The following CLCN1 variants were observed in gnomAD, a reference collection of about 807,000 sequenced individuals.
CLCN1 encodes the protein chloride voltage-gated channel 1.
A neutral mutation model predicts 114.5 loss-of-function variants in CLCN1; 100 were observed. The observed-to-expected ratio is 0.87, with a 90% CI of 0.74 to 1.03. CLCN1 has a LOEUF of 1.03. Ranked by LOEUF, CLCN1 falls within the 50% of genes least tolerant of loss-of-function variation. The probability of loss-of-function intolerance (pLI) is 0.00; values close to 1 mark genes in which losing one functional copy is unlikely to be tolerated. For missense variants in CLCN1, 1,188 were observed against 1,250.0 expected (o/e 0.95, Z 0.75); for synonymous variants, 485 against 487.1 (o/e 1.00, Z 0.06).
At position 143,324,679 on chromosome 7, in the gene CLCN1, G is replaced by T. The variant is rs1421414830; in HGVS notation, c.853+187G>T. On this transcript the variant is annotated intron_variant, in intron 7 of 22. Coordinates refer to ENST00000343257, the MANE Select transcript of CLCN1 (RefSeq NM_000083.3). This position sits in a 1 kb window ranked among gnomAD's most constrained non-coding sequence, Gnocchi z 4.6. ...CTTTTATTCCTGGCCAAAGCCATAT[G>T]AGACAGATATTACAGAGGAGGAAGA... 6.6e-6 allele frequency among the ~76,000 whole-genome samples: 1 copy of T among 152,218 alleles called. No individual in the cohort carries two copies. Among genetic ancestry groups the T allele is most frequent in the Non-Finnish European group, 1.5e-5 (1 of 68,038 alleles).
chr7:143,318,253 G>T (rs138903603), intron 1 of CLCN1, among the ~76,000 whole-genome samples: 1 of 151,454 alleles, frequency 6.6e-6, no homozygotes, highest in East Asian at 1.9e-4. Context: ...ATGGAGTTTC[G>T]CTCTTGTTGC....
chr7:143,331,532 C>T lies in CLCN1; in HGVS notation c.1065-19C>T. On this transcript the variant is annotated intron_variant, in intron 9 of 22. Transcript: ENST00000343257. ...ATTTCATGTCTGTAAGATTCCAACT[C>T]TATAAATTACACCCTCAGGATTTGC... 6.4e-7 allele frequency: 1 copy of T among 1,556,684 alleles called. No individual in the cohort carries two copies. Among genetic ancestry groups the T allele is most frequent in the Non-Finnish European group, 8.9e-7 (1 of 1,127,910 alleles).
At position 143,352,002 on chromosome 7, in the gene CLCN1, G is replaced by T; in HGVS notation, c.*37G>T. ...GACCTCCTCATAAAGACCGTGGAGA[G>T]GCCCAGCCTGAGGGTGAACTTGTGT... On this transcript the variant is annotated 3_prime_UTR_variant, in exon 23 of 23. Transcript: ENST00000343257. 6.2e-7 allele frequency: 1 copy of T among 1,612,178 alleles called. No homozygotes were observed. Among genetic ancestry groups the T allele is most frequent in the Non-Finnish European group, 8.5e-7 (1 of 1,179,986 alleles).
intron 7 of CLCN1, among the ~76,000 whole-genome samples, chr7:143,328,090 G>C (rs1271278741): frequency 1.3e-5 from 2 of 152,196 alleles, no homozygotes; most frequent in Admixed American, 6.5e-5. Context: ...CAGATCTGGT[G>C]GGGGGAGCTA....
At chr7:143,329,110 G>C (rs1445605454) in intron 7 of CLCN1, among the ~76,000 whole-genome samples, 1 of 151,930 alleles carries the variant, frequency 6.6e-6, no homozygotes, top group African/African-American at 2.4e-5. Flanking sequence ...TGGGATTACA[G>C]GCGCCTGCCA....
intron 2 of CLCN1, among the ~76,000 whole-genome samples, 162 bp from the exon 3 acceptor site, chr7:143,320,502 T>TC (rs1802395281): frequency 6.6e-6 from 1 of 151,914 alleles, no homozygotes; most frequent in Admixed American, 6.6e-5. Flanking sequence ...AGGCTTCCCC[T>TC]CCCATCTTGG....
Position 143,324,066 on chromosome 7 carries a change from A to T in CLCN1, c.775-348A>T, listed in dbSNP as rs1320082334. ...GCAAAGGGCTGTGTATTATTTTGAG[A>T]CTGCTTGCTGTTTGGTGCAGGATTT... On this transcript the variant is annotated intron_variant, in intron 6 of 22. Transcript: ENST00000343257. This position sits in a 1 kb window ranked among gnomAD's most constrained non-coding sequence, Gnocchi z 4.6. Among the ~76,000 whole-genome samples the T allele has an allele frequency of 1.3e-5, 2 of 151,946 alleles. No individual in the cohort carries two copies. Among genetic ancestry groups the T allele is most frequent in the Non-Finnish European group, 2.9e-5 (2 of 67,982 alleles).
intron 2 of CLCN1, 33 bp downstream of exon 2, chr7:143,319,908 G>A (rs750646253): frequency 6.2e-7 from 1 of 1,610,562 alleles, no homozygotes; most frequent in Admixed American, 1.7e-5. Flanking sequence ...GAAATCTGGA[G>A]TAGAAACAGG....
intron 12 of CLCN1, among the ~76,000 whole-genome samples, chr7:143,335,850 C>T (rs943970015): frequency 4.6e-5 from 7 of 151,854 alleles, no homozygotes; most frequent in African/African-American, 1.5e-4. Flanking sequence ...TTAGTAGAGA[C>T]GGTGTTTCAC....
intron 11 of CLCN1, 22 bp downstream of exon 11, chr7:143,332,525 A>G (rs1444783480): frequency 1.3e-6 from 2 of 1,596,884 alleles, no homozygotes; most frequent in East Asian, 2.2e-5. Context: ...GTGGGGCCAC[A>G]TGGTAAAGAG....
At chr7:143,327,749 G>A (rs1481490129) in intron 7 of CLCN1, among the ~76,000 whole-genome samples, 1 of 152,168 alleles carries the variant, frequency 6.6e-6, no homozygotes, top group South Asian at 2.1e-4. Context: ...CTGTCTCCTG[G>A]GTTCAAGCAA....
Position 143,331,285 on chromosome 7 carries a change from C to G in CLCN1, c.1033C>G (p.Leu345Val). The change falls in exon 9 of 23, where the codon CTG (leucine) becomes GTG (valine). Residue 345 changes from leucine to valine, a missense_variant. Transcript: ENST00000343257. ...TNFRMDFPFD[L>V]KELPAFAAIG... ...TTTCCGAATGGATTTCCCCTTTGAC[C>G]TGAAGGAACTACCAGCTTTTGCTGC... is the stretch of plus-strand genomic sequence containing the variant. The G allele has an allele frequency of 6.2e-7, 1 of 1,613,396 alleles. No homozygotes were observed. The highest frequency in any genetic ancestry group is 8.5e-7 in the Non-Finnish European group (1 of 1,179,320).
At chr7:143,332,380 T>C in intron 10 of CLCN1, 39 bp from the exon 11 acceptor site, 1 of 1,481,310 alleles carries the variant, frequency 6.8e-7, no homozygotes, top group Non-Finnish European at 9.4e-7. Flanking sequence ...TTACTGTGAG[T>C]TGGCTGAATT....
rs776567943 is a variant in CLCN1, at chr7:143,330,944, G to A, written c.979+47G>A. The A allele has an allele frequency of 5.6e-6, 9 of 1,613,728 alleles. No individual in the cohort carries two copies. In the East Asian group the frequency reaches 1.3e-4, roughly 24 times the overall value. On this transcript the variant is annotated intron_variant, in intron 8 of 22. Transcript: ENST00000343257. Reference sequence around the variant, plus strand: ...GGAGGCCATGTGAAATAGAAAAGCTGGGAATGGGGTGCAGAGGAAAACTCT... The same window carrying A: ...GGAGGCCATGTGAAATAGAAAAGCTAGGAATGGGGTGCAGAGGAAAACTCT...
At chr7:143,336,164 AT>A (rs1047976424) in intron 12 of CLCN1, among the ~76,000 whole-genome samples, 2 of 151,690 alleles carry the variant, frequency 1.3e-5, no homozygotes, top group Admixed American at 6.6e-5. Context: ...GCTCTGTTGA[AT>A]TTTTTTTCAC....
At chr7:143,335,656 G>GTTTTTTTTTTTTTTTTTTTTTTTTTTT (rs199928109) in intron 12 of CLCN1, among the ~76,000 whole-genome samples, 1 of 107,236 alleles carries the variant, frequency 9.3e-6, no homozygotes. Flanking sequence ...CAATTCAGCT[G>GTTTTTTTTTTTTTTTTTTTTTTTTTTT]TTTTGTTTTT....
chr7:143,323,299 C>A lies in CLCN1; in HGVS notation c.697-10C>A. On this transcript the variant is annotated splice_polypyrimidine_tract_variant and intron_variant, in intron 5 of 22. Transcript: ENST00000343257. ...CTCTGACCCCCGCCCCCTCGCTCCC[C>A]CTCTCCCAGGGCCCCTTCGTCCACA... 1.3e-6 allele frequency: 2 copies of A among 1,594,742 alleles called. No homozygotes were observed. Among genetic ancestry groups the A allele is most frequent in the Non-Finnish European group, 1.7e-6 (2 of 1,162,374 alleles).
intron 7 of CLCN1, among the ~76,000 whole-genome samples, chr7:143,327,243 A>G (rs1246402687): frequency 6.6e-6 from 1 of 151,666 alleles, no homozygotes; most frequent in East Asian, 1.9e-4. Context: ...GTGAGACTCC[A>G]TCTTAAAAAA....
chr7:143,337,526 G>A (rs1050531468), intron 12 of CLCN1, among the ~76,000 whole-genome samples: 1 of 152,060 alleles, frequency 6.6e-6, no homozygotes, highest in Non-Finnish European at 1.5e-5. Flanking sequence ...TCTTTCTACG[G>A]TTCTGAAAAT....
Sources: gnomAD v4.1 joint callset for allele counts (sites outside exome capture counted in the v4.1 genomes callset) on GRCh38, gnomAD v4.1.1 for gene constraint, Gnocchi (gnomAD v3.1) non-coding constraint, MANE v1.5 for transcripts, NCBI Gene and HGNC (gene_info 2026-07-23, HGNC 2026-07-21) for gene names.